VWF: variants seen among roughly 807,000 people sequenced by gnomAD.
VWF encodes Factor VIII related antigen.
A neutral mutation model predicts 308.6 loss-of-function variants in VWF; 176 were observed. The observed-to-expected ratio is 0.57, with a 90% CI of 0.50 to 0.65. The LOEUF (loss-of-function observed/expected upper bound fraction) is 0.65, where lower values mean the gene tolerates loss of function less well. Ranked by LOEUF, VWF falls within the 30% of genes least tolerant of loss-of-function variation. The pLI is 0.00. For synonymous variants in VWF, 1,385 were observed against 1,443.4 expected (o/e 0.96, Z 0.92); for missense variants, 3,146 against 3,648.2 (o/e 0.86, Z 3.55).
intron 31 of VWF, among the ~76,000 whole-genome samples, chr12:6,015,295 C>T (rs1332896579): frequency 1.3e-5 from 2 of 152,174 alleles, no homozygotes; most frequent in African/African-American, 2.4e-5. Context: ...GTTACAAATA[C>T]AATACAATAC....
chr12:5,987,546 A>G (rs216881), intron 38 of VWF, among the ~76,000 whole-genome samples: 124,588 of 152,162 alleles, frequency 0.82, 51,869 homozygotes, highest in East Asian at 0.92. Flanking sequence ...TGAACACACC[A>G]TCCTAGCCCT....
At chr12:6,080,084 A>G (rs903691072) in intron 6 of VWF, among the ~76,000 whole-genome samples, 28 of 151,978 alleles carry the variant, frequency 1.8e-4, no homozygotes, top group African/African-American at 6.3e-4. Flanking sequence ...CTTTTCCAGG[A>G]AGGCTTCTCT....
intron 16 of VWF, among the ~76,000 whole-genome samples, chr12:6,052,035 C>T (rs747975328): frequency 5.6e-4 from 86 of 152,252 alleles, no homozygotes; most frequent in Admixed American, 1.2e-3. Context: ...CTGTTGAAAC[C>T]GACTGTCACA....
At chr12:5,971,523 A>G in intron 44 of VWF, 76 bp downstream of exon 44, 2 of 1,229,688 alleles carry the variant, frequency 1.6e-6, no homozygotes, top group Non-Finnish European at 2.4e-6. Flanking sequence ...AGGGAATGAG[A>G]TGAAACCAAG....
chr12:6,025,635 A>G lies in VWF; in HGVS notation c.3167T>C (p.Val1056Ala). The change falls in exon 24 of 52, where the codon GTG (valine) becomes GCG (alanine). Residue 1056 changes from valine (V) to alanine (A), a missense_variant. Val to Ala is a moderately conservative substitution (Grantham distance 64, BLOSUM62 0). Transcript: ENST00000261405. ...CHNNIMKQTM[V>A]DSSCRILTSD... is the part of the protein sequence containing the mutation. ...GGTAAGGATTCTACAGGAGGAATCCACCATCGTCTGCTTCATGATGTTGTT... is the reference window on the plus strand; with the variant it reads ...GGTAAGGATTCTACAGGAGGAATCCGCCATCGTCTGCTTCATGATGTTGTT... 13 of 1,574,740 alleles carry G rather than the reference A, an allele frequency of 8.3e-6. No individual in the cohort carries two copies. Among genetic ancestry groups the G allele is most frequent in the Non-Finnish European group, 1.1e-5 (13 of 1,146,962 alleles).
chr12:6,075,340 G>T lies in VWF; in HGVS notation c.869C>A (p.Ala290Glu), dbSNP rs375397606. 196 of 1,613,826 alleles carry T rather than the reference G, an allele frequency of 1.2e-4. No individual in the cohort carries two copies. Among genetic ancestry groups the T allele is most frequent in the Non-Finnish European group, 1.6e-4 (190 of 1,179,994 alleles). The change falls in exon 7 of 52, where the codon GCG (alanine) becomes GAG (glutamate). Residue 290 changes from alanine to glutamate, a missense_variant. Transcript: ENST00000261405. The surrounding 1 kb of genome is among the most constrained non-coding windows in gnomAD (Gnocchi z 4.7). ...GGGGCAGGGGGCCGACTTACTGCAC[G>T]CGCTGTGGTCGGTCCAGCCGTACAG... ...MVLYGWTDHSACSPVCPAGME... is the reference protein window; with the variant it reads ...MVLYGWTDHSECSPVCPAGME...
chr12:6,108,377 T>G (rs557482326), intron 5 of VWF, among the ~76,000 whole-genome samples: 1 of 92,302 alleles, frequency 1.1e-5, no homozygotes, highest in Non-Finnish European at 2.8e-5. Flanking sequence ...AAAGCAAAAT[T>G]TGACAGAATT....
At chr12:5,999,217 G>T (rs932743977) in intron 34 of VWF, among the ~76,000 whole-genome samples, 1 of 152,028 alleles carries the variant, frequency 6.6e-6, no homozygotes, top group African/African-American at 2.4e-5. Flanking sequence ...ACTACCACCA[G>T]AAAGAAAAGC....
chr12:6,071,225 G>T, intron 10 of VWF, 72 bp downstream of exon 10: 1 of 1,572,926 alleles, frequency 6.4e-7, no homozygotes, highest in Non-Finnish European at 8.7e-7. Context: ...GGCCCTCCCT[G>T]TCTGGTAAGA....
At chr12:6,081,717 C>G (rs1591906264) in intron 6 of VWF, among the ~76,000 whole-genome samples, 1 of 152,124 alleles carries the variant, frequency 6.6e-6, no homozygotes, top group African/African-American at 2.4e-5. Flanking sequence ...GAGGTCAAAA[C>G]TGTTTTTATA....
chr12:5,950,227 G>A (rs886551118), intron 50 of VWF, among the ~76,000 whole-genome samples: 14 of 152,158 alleles, frequency 9.2e-5, no homozygotes, highest in African/African-American at 3.4e-4. Context: ...TCTTGTGCTT[G>A]TAACTACATT....
chr12:6,030,700 T>C (rs1356075390), intron 21 of VWF, among the ~76,000 whole-genome samples: 4 of 152,186 alleles, frequency 2.6e-5, no homozygotes, highest in African/African-American at 7.2e-5. Context: ...AAGTTCTTAG[T>C]ACACAGGGGA....
rs111356721 is a variant in VWF at position 5,979,683 on chromosome 12, G to C, written c.7287+2103C>G. 5.2e-3 allele frequency among the ~76,000 whole-genome samples: 791 copies of C among 151,768 alleles called. 2 individuals are homozygous for C. The highest frequency in any genetic ancestry group is 8.7e-3 in the Admixed American group (132 of 15,242). On this transcript the variant is annotated intron_variant, in intron 42 of 51. Transcript: ENST00000261405. ...GAGAATCGCTTGAACCAGGGAGTAC[G>C]AGGCTACAATCAGCCAAGATCGTGC... is the stretch of plus-strand genomic sequence containing the variant.
intron 7 of VWF, among the ~76,000 whole-genome samples, chr12:6,073,946 C>G (rs963435980): frequency 1.3e-5 from 2 of 152,120 alleles, no homozygotes; most frequent in Non-Finnish European, 2.9e-5. Context: ...TCTTGTGAGG[C>G]CCTTACCAAG....
At chr12:5,994,393 G>C (rs1375567761) in intron 36 of VWF, 22 bp downstream of exon 36, 1 of 1,613,578 alleles carries the variant, frequency 6.2e-7, no homozygotes, top group Non-Finnish European at 8.5e-7. Flanking sequence ...GGGGAGAAGA[G>C]GAGTTGAGAA....
intron 20 of VWF, among the ~76,000 whole-genome samples, chr12:6,033,978 A>T (rs1944302910): frequency 6.6e-6 from 1 of 152,236 alleles, no homozygotes; most frequent in African/African-American, 2.4e-5. Flanking sequence ...TTGCTTACAC[A>T]GTTGATGTCA....
Position 6,095,388 on chromosome 12 carries a change from AC to A in VWF, c.657+71del, listed in dbSNP as rs1211909865. The A allele has an allele frequency of 6.8e-6, 11 of 1,610,214 alleles. No homozygotes were observed. In the African/African-American group the frequency reaches 1.5e-4, roughly 22 times the overall value. On this transcript the variant is annotated intron_variant, in intron 6 of 51. Transcript: ENST00000261405. ...CCTCCCCCAGATGGAAGGATATGAG[AC>A]TGAGTCCTTCTGTCTTTTAGATCCA...
At chr12:6,120,372 A>C (rs1381226846) in intron 3 of VWF, among the ~76,000 whole-genome samples, 1 of 150,028 alleles carries the variant, frequency 6.7e-6, no homozygotes, top group African/African-American at 2.5e-5. Flanking sequence ...CCCAGGCTGG[A>C]GTGTATCTCA....
At chr12:6,097,812 C>T (rs1945121133) in intron 5 of VWF, among the ~76,000 whole-genome samples, 1 of 152,236 alleles carries the variant, frequency 6.6e-6, no homozygotes, top group Admixed American at 6.5e-5. Context: ...GTGTGCCAGA[C>T]ATTGTGACAG....
Sources: gnomAD v4.1 joint callset for allele counts (sites outside exome capture counted in the v4.1 genomes callset) on GRCh38, gnomAD v4.1.1 for gene constraint, Gnocchi (gnomAD v3.1) non-coding constraint, MANE v1.5 for transcripts, NCBI Gene and HGNC (gene_info 2026-07-23, HGNC 2026-07-21) for gene names.